Variants in BICRA observed in about 807,000 individuals in gnomAD.
The protein encoded by BICRA is BRD4-interacting chromatin-remodeling complex-associated protein.
BICRA carries 31 observed loss-of-function variants against 96.9 expected under a neutral mutation model. The ratio of observed to expected loss-of-function variants is 0.32; its 90% confidence interval spans 0.24 to 0.43. The LOEUF (loss-of-function observed/expected upper bound fraction) is 0.43. Among genes scored for constraint, BICRA ranks in the 20% least tolerant of loss-of-function variants. The pLI, the probability that BICRA is intolerant of heterozygous loss-of-function variation, is 1.00. For synonymous variants in BICRA, 1,350 were observed against 1,071.8 expected (o/e 1.26, Z -5.07); for missense variants, 2,283 against 2,190.3 (o/e 1.04, Z -0.84).
intron 1 of BICRA, among the ~76,000 whole-genome samples, chr19:47,611,032 C>T (rs987966481): frequency 1.3e-5 from 2 of 152,134 alleles, no homozygotes; most frequent in African/African-American, 2.4e-5. Flanking sequence ...GAAATAGAGA[C>T]GGGACAGACA....
At chr19:47,686,004 A>G (rs1176271696) in intron 7 of BICRA, among the ~76,000 whole-genome samples, 2 of 146,924 alleles carry the variant, frequency 1.4e-5, no homozygotes, top group African/African-American at 2.5e-5. Context: ...GATCTTGGCT[A>G]ACTGCAACCT....
chr19:47,664,125 C>A (rs1972741927), intron 1 of BICRA, among the ~76,000 whole-genome samples: 1 of 152,174 alleles, frequency 6.6e-6, no homozygotes, highest in South Asian at 2.1e-4. Context: ...ACATCATTTG[C>A]ACTTCTTATC....
chr19:47,622,060 G>A (rs1408635750), intron 1 of BICRA, among the ~76,000 whole-genome samples: 1 of 150,754 alleles, frequency 6.6e-6, no homozygotes, highest in Non-Finnish European at 1.5e-5. Flanking sequence ...TCTACCTCCC[G>A]GGTTCAAGCA....
intron 5 of BICRA, among the ~76,000 whole-genome samples, chr19:47,678,710 G>C (rs976870648): frequency 1.3e-5 from 2 of 150,490 alleles, no homozygotes; most frequent in Admixed American, 1.3e-4. Flanking sequence ...GATTACAGGC[G>C]TGAGTCACTG....
At chr19:47,657,867 A>G (rs2974205) in intron 1 of BICRA, among the ~76,000 whole-genome samples, 31,274 of 151,570 alleles carry the variant, frequency 0.21, 3,609 homozygotes, top group Middle Eastern at 0.28. Context: ...CATTCCAGGG[A>G]TGTTTGGCAG....
intron 1 of BICRA, among the ~76,000 whole-genome samples, chr19:47,634,995 C>G (rs1003407259): frequency 2.0e-5 from 3 of 152,050 alleles, no homozygotes. Flanking sequence ...ATCTCCTGAC[C>G]TCGTTATCCG....
intron 7 of BICRA, among the ~76,000 whole-genome samples, chr19:47,692,428 T>C (rs1339508348): frequency 2.0e-5 from 3 of 151,986 alleles, no homozygotes; most frequent in Non-Finnish European, 4.4e-5. Flanking sequence ...CAGGGTTTCA[T>C]CATATTGATC....
Position 47,680,736 on chromosome 19 carries a change from C to A in BICRA, c.1566C>A (p.Gly522=). The A allele has an allele frequency of 6.2e-7, 1 of 1,605,412 alleles. No individual in the cohort carries two copies. Among genetic ancestry groups the A allele is most frequent in the Non-Finnish European group, 8.5e-7 (1 of 1,176,702 alleles). ...NPILTNQNLA[G]PLSLGPVLAP... ...TCCTCACAAACCAGAACCTGGCGGG[C>A]CCACTGAGCCTGGGCCCCGTGTTGG... is the stretch of plus-strand genomic sequence containing the variant. Residue 522 remains glycine (G), a synonymous_variant, in exon 6 of 15, where the codon GGC becomes GGA. Coordinates refer to ENST00000594866, the MANE Select transcript of BICRA (RefSeq NM_001394372.1).
At chr19:47,612,044 T>C (rs1203713371) in intron 1 of BICRA, among the ~76,000 whole-genome samples, 1 of 152,048 alleles carries the variant, frequency 6.6e-6, no homozygotes, top group Non-Finnish European at 1.5e-5. Flanking sequence ...CTAAATTTTG[T>C]ATATTTAGTA....
chr19:47,609,796 G>A (rs1248822498), intron 1 of BICRA, among the ~76,000 whole-genome samples: 1 of 152,080 alleles, frequency 6.6e-6, no homozygotes, highest in Non-Finnish European at 1.5e-5. Context: ...GGGGGGCCCT[G>A]GAAAGCTGGG....
chr19:47,633,911 C>T (rs8103604), intron 1 of BICRA, among the ~76,000 whole-genome samples: 5,192 of 152,262 alleles, frequency 0.034, 263 homozygotes, highest in African/African-American at 0.11. Flanking sequence ...TCTCAGAACC[C>T]GCCGAGGGGC....
Position 47,701,350 on chromosome 19 carries a change from C to T in BICRA, c.3618C>T (p.Arg1206=), listed in dbSNP as rs1468179539. ...CAGACGAGTACGTGTCTTCCTCCCG[C>T]TCGCTCGGCCTCCCCATCGCAGCCT... ...EKPDEYVSSS[R]SLGLPIAASS... Residue 1206 remains arginine (R), a synonymous_variant, in exon 15 of 15, where the codon CGC becomes CGT. Coordinates refer to ENST00000594866, the MANE Select transcript of BICRA (RefSeq NM_001394372.1). The surrounding 1 kb of genome is among the most constrained non-coding windows in gnomAD (Gnocchi z 5.4). The T allele has an allele frequency of 6.2e-7, 1 of 1,611,226 alleles. No individual in the cohort carries two copies. Among genetic ancestry groups the T allele is most frequent in the African/African-American group, 1.3e-5 (1 of 74,914 alleles).
At chr19:47,624,134 A>G (rs982510739) in intron 1 of BICRA, among the ~76,000 whole-genome samples, 1 of 152,126 alleles carries the variant, frequency 6.6e-6, no homozygotes, top group Non-Finnish European at 1.5e-5. Context: ...TACAGGCGTG[A>G]GCCAACATGC....
intron 1 of BICRA, among the ~76,000 whole-genome samples, chr19:47,665,932 G>T (rs937148069): frequency 1.3e-5 from 2 of 152,232 alleles, no homozygotes; most frequent in African/African-American, 4.8e-5. Context: ...TGGGGCCGGG[G>T]ACTTCTGTCC....
chr19:47,680,402 T>C lies in BICRA; in HGVS notation c.1232T>C (p.Leu411Pro), dbSNP rs1485123957. ...GGGAAGGCGGGCCAGAACGTGGTGC[T>C]GTCGGGCTTCCCCGCGCCTGCGCTG... The part of the protein sequence containing the change: ...AAGKAGQNVV[L>P]SGFPAPALQA... Residue 411 changes from leucine (L) to proline (P), a missense_variant, in exon 6 of 15, where the codon CTG becomes CCG. Transcript: ENST00000594866. 10 of 1,534,510 alleles carry C rather than the reference T, an allele frequency of 6.5e-6. No individual in the cohort carries two copies. Among genetic ancestry groups the C allele is most frequent in the Non-Finnish European group, 8.7e-6 (10 of 1,145,324 alleles).
chr19:47,652,010 G>A (rs577082453), intron 1 of BICRA, among the ~76,000 whole-genome samples: 4 of 152,330 alleles, frequency 2.6e-5, no homozygotes, highest in Non-Finnish European at 5.9e-5. Flanking sequence ...ACCCAGGCCT[G>A]TGACTCTGCC....
At chr19:47,665,405 G>A (rs533204874) in intron 1 of BICRA, among the ~76,000 whole-genome samples, 2 of 152,286 alleles carry the variant, frequency 1.3e-5, no homozygotes, top group South Asian at 4.1e-4. Context: ...GGGACATTTC[G>A]GTAGAGGAGA....
intron 1 of BICRA, among the ~76,000 whole-genome samples, chr19:47,650,602 C>T (rs1489947404): frequency 1.3e-5 from 2 of 152,142 alleles, no homozygotes; most frequent in East Asian, 3.8e-4. Flanking sequence ...ATGATTTTTG[C>T]ACCAACCCAA....
chr19:47,642,182 T>C (rs1199562076), intron 1 of BICRA, among the ~76,000 whole-genome samples: 1 of 152,268 alleles, frequency 6.6e-6, no homozygotes, highest in Non-Finnish European at 1.5e-5. Flanking sequence ...TACCAGTAGT[T>C]CATTCCTTCT....
Sources: gnomAD v4.1 joint callset for allele counts (sites outside exome capture counted in the v4.1 genomes callset) on GRCh38, gnomAD v4.1.1 for gene constraint, Gnocchi (gnomAD v3.1) non-coding constraint, MANE v1.5 for transcripts, NCBI Gene and HGNC (gene_info 2026-07-23, HGNC 2026-07-21) for gene names.